The following CSNK2B variants were observed in gnomAD, a reference collection of about 807,000 sequenced individuals.
CSNK2B encodes casein kinase 2 beta.
A neutral mutation model predicts 28.8 loss-of-function variants in CSNK2B; 2 were observed. The ratio of observed to expected loss-of-function variants is 0.07; its 90% CI spans 0.03 to 0.22. The LOEUF (loss-of-function observed/expected upper bound fraction) is 0.22. Among genes scored for constraint, CSNK2B ranks in the 10% least tolerant of loss-of-function variants. The pLI is 1.00. For missense variants in CSNK2B, 107 were observed against 277.9 expected (o/e 0.39, Z 4.37); for synonymous variants, 89 against 96.1 (o/e 0.93, Z 0.43).
At position 31,669,992 on chromosome 6, in the gene CSNK2B, C is replaced by G; in HGVS notation, c.*66C>G. 1.4e-5 allele frequency: 18 copies of G among 1,330,262 alleles called. No individual in the cohort carries two copies. Among genetic ancestry groups the G allele is most frequent in the South Asian group, 1.1e-4 (8 of 75,864 alleles). 82.4% of individuals were successfully genotyped at this position (1,330,262 alleles called of 1,614,324 possible). On this transcript the variant is annotated 3_prime_UTR_variant, in exon 7 of 7. Transcript: ENST00000375882. The surrounding 1 kb of genome is among the most constrained non-coding windows in gnomAD (Gnocchi z 4.8). ...TCTTTTTTGCCACCCTTTCAGGAAC[C>G]CTGTATGGTTTTTAGTTTAAATTAA...
chr6:31,666,102 C>G lies in CSNK2B; in HGVS notation c.-118C>G. 2 of 993,476 alleles carry G rather than the reference C, an allele frequency of 2.0e-6. No individual in the cohort carries two copies. Among genetic ancestry groups the G allele is most frequent in the Non-Finnish European group, 2.4e-6 (2 of 833,384 alleles). 61.5% of individuals were successfully genotyped at this position (993,476 alleles called of 1,614,324 possible). On this transcript the variant is annotated 5_prime_UTR_variant, in exon 1 of 7. Transcript: ENST00000375882. The stretch of plus-strand genomic sequence containing the variant: ...CCTAATTTCCACTCCCCCCACCCCA[C>G]TTCGCCTGCCGCGGTCGGGTCCGCG...
At chr6:31,668,460 C>A in intron 3 of CSNK2B, 79 bp from the exon 4 acceptor site, 1 of 1,267,250 alleles carries the variant, frequency 7.9e-7, no homozygotes, top group Non-Finnish European at 1.1e-6. Flanking sequence ...AACTGAATAG[C>A]CCGCAGCCCC....
At chr6:31,668,739 T>C (rs1801971763) in intron 4 of CSNK2B, 85 bp downstream of exon 4, 1 of 1,272,132 alleles carries the variant, frequency 7.9e-7, no homozygotes, top group Non-Finnish European at 1.1e-6. Context: ...TTAAGCCCTG[T>C]TTAAGGAAGC....
At chr6:31,668,105 AT>A in intron 3 of CSNK2B, 135 bp downstream of exon 3, 1 of 715,536 alleles carries the variant, frequency 1.4e-6, no homozygotes, top group Non-Finnish European at 2.5e-6. Flanking sequence ...CTTTATTTTG[AT>A]CCTCCACCTG....
chr6:31,669,413 G>T lies in CSNK2B; in HGVS notation c.462G>T (p.Thr154=), dbSNP rs143237802. The T allele has an allele frequency of 1.5e-5, 24 of 1,614,014 alleles. No individual in the cohort carries two copies. In the African/African-American group the frequency reaches 2.1e-4, roughly 14 times the overall value. ...YTPKSSRHHH[T]DGAYFGTGFP... ...CCAAGTCATCAAGACACCATCACAC[G>T]GATGGCGCCTACTTCGGCACTGGTT... The change falls in exon 6 of 7, where the codon ACG becomes ACT. Residue 154 remains threonine, a synonymous_variant. Transcript: ENST00000375882. This position sits in a 1 kb window ranked among gnomAD's most constrained non-coding sequence, Gnocchi z 4.8.
chr6:31,669,490 C>T lies in CSNK2B; in HGVS notation c.539C>T (p.Ala180Val). Reference protein sequence around the residue: ...VHPEYRPKRPANQFVPRLYGF... With the variant: ...VHPEYRPKRPVNQFVPRLYGF... ...CCCGAGTACCGGCCCAAGAGACCTGCCAACCAGTTTGTGCCCAGGTAGGGA... is the reference window on the plus strand; with the variant it reads ...CCCGAGTACCGGCCCAAGAGACCTGTCAACCAGTTTGTGCCCAGGTAGGGA... The change falls in exon 6 of 7, where the codon GCC (alanine) becomes GTC (valine). Residue 180 changes from alanine (A) to valine (V), a missense_variant. Transcript: ENST00000375882. The surrounding 1 kb of genome is among the most constrained non-coding windows in gnomAD (Gnocchi z 4.8). 6.2e-7 allele frequency: 1 copy of T among 1,610,622 alleles called. No individual in the cohort carries two copies.
In CSNK2B at chr6:31,668,706, G is replaced by T. The variant is rs775413891; in HGVS notation, c.291+52G>T. On this transcript the variant is annotated intron_variant, in intron 4 of 6. Transcript: ENST00000375882. ...TCCTTCTGAGCAGTAAGAGACACAG[G>T]TTCCTGCAGCAAGAAGTCATGTTTA... is the stretch of plus-strand genomic sequence containing the variant. The T allele has an allele frequency of 4.6e-6, 7 of 1,505,754 alleles. No homozygotes were observed. In the African/African-American group the frequency reaches 6.9e-5, roughly 15 times the overall value. The allele number at this position is 1,505,754 out of a possible 1,614,324, so 93.3% of individuals were successfully genotyped here. A position where few individuals can be genotyped will look rare whatever the true frequency, so the allele number is the denominator to read the frequency against.
chr6:31,666,623 A>C, intron 1 of CSNK2B, 198 bp from the exon 2 acceptor site: 2 of 593,640 alleles, frequency 3.4e-6, no homozygotes, highest in Non-Finnish European at 6.0e-6. Context: ...GTGGGACCCC[A>C]AAGAATGTTT....
At chr6:31,666,786 G>A (rs777743980) in intron 1 of CSNK2B, 35 bp from the exon 2 acceptor site, 18 of 1,557,468 alleles carry the variant, frequency 1.2e-5, no homozygotes, top group African/African-American at 4.1e-5. Flanking sequence ...CAGGGAAGGA[G>A]AACTTGAGCT....
In CSNK2B at chr6:31,669,714, ACG is replaced by A; in HGVS notation, c.558-121_558-120del. The A allele has an allele frequency of 9.5e-7, 1 of 1,048,704 alleles. No individual in the cohort carries two copies. Among genetic ancestry groups the A allele is most frequent in the Non-Finnish European group, 1.4e-6 (1 of 725,076 alleles). 65.0% of individuals were successfully genotyped at this position (1,048,704 alleles called of 1,614,324 possible). ...TTCTTGAGCTGAGAAGTTGGGAACC[ACG>A]AGGCTTTAGCTCTGAGCAGGTCCAT... is the stretch of plus-strand genomic sequence containing the variant. On this transcript the variant is annotated intron_variant, in intron 6 of 6. Transcript: ENST00000375882. The surrounding 1 kb of genome is among the most constrained non-coding windows in gnomAD (Gnocchi z 4.8).
In CSNK2B at chr6:31,666,127, G is replaced by C. The variant is rs1801663803; in HGVS notation, c.-93G>C. ...CTTCGCCTGCCGCGGTCGGGTCCGC[G>C]GCCTGCGCTGTAGCGGTCGCCGCCG... On this transcript the variant is annotated 5_prime_UTR_variant, in exon 1 of 7. Transcript: ENST00000375882. 3.0e-6 allele frequency: 3 copies of C among 994,970 alleles called. No individual in the cohort carries two copies. The highest frequency in any genetic ancestry group is 2.4e-6 in the Non-Finnish European group (2 of 834,114). The allele number at this position is 994,970 out of a possible 1,614,324, so 61.6% of individuals were successfully genotyped here.
rs1801899109 is a variant in CSNK2B at position 31,667,979 on chromosome 6, C to T, written c.175+9C>T. On this transcript the variant is annotated intron_variant, in intron 3 of 6. Coordinates refer to ENST00000375882, the MANE Select transcript of CSNK2B (RefSeq NM_001320.7). ...CTTGGACCTGGAGCCTGGTGAGGCACCCTCAGGGTTGTTTTGTGTGTGTGC... is the reference window on the plus strand; with the variant it reads ...CTTGGACCTGGAGCCTGGTGAGGCATCCTCAGGGTTGTTTTGTGTGTGTGC... The T allele has an allele frequency of 6.3e-7, 1 of 1,588,366 alleles. No individual in the cohort carries two copies. The highest frequency in any genetic ancestry group is 8.6e-7 in the Non-Finnish European group (1 of 1,158,506).
In CSNK2B at chr6:31,669,672, TA is replaced by T. The variant is rs1037390662; in HGVS notation, c.558-163del. ...GTTATTTGATTATCTGTGCTTGAGT[TA>T]CCTTATTGTAGAATGTTCTTGAGCT... is the stretch of plus-strand genomic sequence containing the variant. On this transcript the variant is annotated intron_variant, in intron 6 of 6. Coordinates refer to ENST00000375882, the MANE Select transcript of CSNK2B (RefSeq NM_001320.7). This position sits in a 1 kb window ranked among gnomAD's most constrained non-coding sequence, Gnocchi z 4.8. Among the ~76,000 whole-genome samples the T allele has an allele frequency of 1.3e-5, 2 of 152,256 alleles. No homozygotes were observed. Among genetic ancestry groups the T allele is most frequent in the Admixed American group, 1.3e-4 (2 of 15,288 alleles).
chr6:31,667,034 CT>C (rs1478953943), intron 2 of CSNK2B, 131 bp downstream of exon 2: 25 of 822,822 alleles, frequency 3.0e-5, no homozygotes, highest in Middle Eastern at 2.2e-4. Context: ...AGAGTCCCCC[CT>C]ATAAACCCCG....
chr6:31,666,813 T>G lies in CSNK2B; in HGVS notation c.-11-8T>G. On this transcript the variant is annotated splice_polypyrimidine_tract_variant and splice_region_variant and intron_variant, in intron 1 of 6. Coordinates refer to ENST00000375882, the MANE Select transcript of CSNK2B (RefSeq NM_001320.7). ...ACTTGAGCTTTACTGACACTGTTCT[T>G]TTTCTAGCTGACGTGAAGATGAGCA... 6.2e-7 allele frequency: 1 copy of G among 1,610,732 alleles called. No homozygotes were observed. Among genetic ancestry groups the G allele is most frequent in the East Asian group, 2.2e-5 (1 of 44,818 alleles).
At chr6:31,667,412 G>C (rs1024191144) in intron 2 of CSNK2B, 1 of 351,008 alleles carries the variant, frequency 2.8e-6, no homozygotes, top group African/African-American at 2.1e-5. Context: ...GATTACAGGC[G>C]TGAGCCATTG....
rs148414882 is a variant in CSNK2B, at chr6:31,668,400, C to G, written c.176-139C>G. 294 of 675,722 alleles carry G rather than the reference C, an allele frequency of 4.4e-4. 1 individual carries two copies. Among genetic ancestry groups the G allele is most frequent in the African/African-American group, 4.2e-3 (234 of 55,370 alleles). The allele number at this position is 675,722 out of a possible 1,614,324, so 41.9% of individuals were successfully genotyped here. A position where few individuals can be genotyped will look rare whatever the true frequency, so the allele number is the denominator to read the frequency against. On this transcript the variant is annotated intron_variant, in intron 3 of 6. Transcript: ENST00000375882. ...GGGTCAGAAGCCCAGGTTTCTGGGT[C>G]CCATGCCCAGATGTTGGATGGGGTA... is the stretch of plus-strand genomic sequence containing the variant.
Position 31,669,595 on chromosome 6 carries a change from G to A in CSNK2B, c.557+87G>A. 7.0e-7 allele frequency: 1 copy of A among 1,426,130 alleles called. No individual in the cohort carries two copies. Among genetic ancestry groups the A allele is most frequent in the Non-Finnish European group, 9.5e-7 (1 of 1,053,400 alleles). 88.3% of individuals were successfully genotyped at this position (1,426,130 alleles called of 1,614,324 possible). A position where few individuals can be genotyped will look rare whatever the true frequency, so the allele number is the denominator to read the frequency against. On this transcript the variant is annotated intron_variant, in intron 6 of 6. Coordinates refer to ENST00000375882, the MANE Select transcript of CSNK2B (RefSeq NM_001320.7). The surrounding 1 kb of genome is among the most constrained non-coding windows in gnomAD (Gnocchi z 4.8). ...AGGACAGGGCATGGCCCTTTCTTGA[G>A]GTCTGCTTCTCCCAGAATCAGGGCA...
In CSNK2B at chr6:31,666,116, G is replaced by A; in HGVS notation, c.-104G>A. ...CCCCCACCCCACTTCGCCTGCCGCG[G>A]TCGGGTCCGCGGCCTGCGCTGTAGC... is the stretch of plus-strand genomic sequence containing the variant. On this transcript the variant is annotated 5_prime_UTR_variant, in exon 1 of 7. Transcript: ENST00000375882. 1 of 994,526 alleles carries A rather than the reference G, an allele frequency of 1.0e-6. No individual in the cohort carries two copies. The highest frequency in any genetic ancestry group is 1.2e-6 in the Non-Finnish European group (1 of 833,812). The allele number at this position is 994,526 out of a possible 1,614,324, so 61.6% of individuals were successfully genotyped here. A position where few individuals can be genotyped will look rare whatever the true frequency, so the allele number is the denominator to read the frequency against.
Sources: allele counts gnomAD v4.1 joint callset (sites outside exome capture counted in the v4.1 genomes callset), GRCh38; gene constraint gnomAD v4.1.1; non-coding constraint Gnocchi (gnomAD v3.1); transcripts MANE v1.5; gene names NCBI Gene and HGNC (gene_info 2026-07-23, HGNC 2026-07-21).